ZMIZ1: variants seen among roughly 807,000 people sequenced by gnomAD.
The protein encoded by ZMIZ1 is zinc finger MIZ-type containing 1.
A neutral mutation model predicts 113.9 loss-of-function variants in ZMIZ1; 17 were observed. That is an observed-to-expected ratio of 0.15 (90% CI 0.10 to 0.22). The LOEUF is 0.22. Among genes scored for constraint, ZMIZ1 ranks in the 10% least tolerant of loss-of-function variants. The pLI is 1.00. For synonymous variants in ZMIZ1, 607 were observed against 603.1 expected (o/e 1.01, Z -0.09); for missense variants, 1,059 against 1,477.8 (o/e 0.72, Z 4.65).
chr10:79,298,287 C>A, intron 14 of ZMIZ1, 119 bp from the exon 15 acceptor site: 1 of 1,132,788 alleles, frequency 8.8e-7, no homozygotes, highest in Middle Eastern at 2.1e-4. Context: ...CTGGAGGAGG[C>A]TCTCCTCCCG....
chr10:79,271,372 C>T (rs776147610), intron 7 of ZMIZ1, among the ~76,000 whole-genome samples: 4 of 152,208 alleles, frequency 2.6e-5, no homozygotes, highest in Non-Finnish European at 5.9e-5. Flanking sequence ...GGAGGTAACG[C>T]GGTCCCATCC....
At chr10:79,276,704 T>C (rs915263777) in intron 7 of ZMIZ1, among the ~76,000 whole-genome samples, 2 of 152,160 alleles carry the variant, frequency 1.3e-5, no homozygotes, top group Non-Finnish European at 2.9e-5. Context: ...AACCTTGTGA[T>C]GTTTGAGCCC....
At chr10:79,129,466 G>A (rs766592822) in intron 2 of ZMIZ1, among the ~76,000 whole-genome samples, 4 of 152,238 alleles carry the variant, frequency 2.6e-5, no homozygotes, top group African/African-American at 7.2e-5. Context: ...GCAGTCGCTC[G>A]GCCCCTTCCC....
chr10:79,304,225 T>C, intron 19 of ZMIZ1, 50 bp downstream of exon 19: 1 of 1,585,348 alleles, frequency 6.3e-7, no homozygotes, highest in Non-Finnish European at 8.6e-7. Flanking sequence ...AGACTCTGGC[T>C]GGGATGGTGA....
chr10:79,162,241 C>A, intron 4 of ZMIZ1, 108 bp downstream of exon 4: 1 of 397,658 alleles, frequency 2.5e-6, no homozygotes, highest in Non-Finnish European at 4.4e-6. Flanking sequence ...CGGGCCTCAG[C>A]CCTGAGGGGC....
At chr10:79,132,173 G>C (rs77394882) in intron 2 of ZMIZ1, among the ~76,000 whole-genome samples, 24 of 152,160 alleles carry the variant, frequency 1.6e-4, no homozygotes, top group Non-Finnish European at 3.2e-4. Flanking sequence ...TAATGACCCC[G>C]GGGCTTGGGT....
In ZMIZ1 at chr10:79,151,848, C is replaced by T. The variant is rs551019605; in HGVS notation, c.-130-10205C>T. On this transcript the variant is annotated intron_variant, in intron 3 of 24. Transcript: ENST00000334512. ...ATGTGAGCCAGGGTGGGGGCATTGG[C>T]GGTGGGTGGAGTCACGGGCTGGGTG... Among the ~76,000 whole-genome samples, 531 of 152,236 alleles carry T rather than the reference C, an allele frequency of 3.5e-3. 3 individuals carry two copies. The highest frequency in any genetic ancestry group is 0.012 in the African/African-American group (495 of 41,548).
intron 8 of ZMIZ1, among the ~76,000 whole-genome samples, chr10:79,287,492 C>CTGCA (rs1853161341): frequency 6.6e-6 from 1 of 152,274 alleles, no homozygotes. Context: ...AGCCCTTTGA[C>CTGCA]TGCATTCTCC....
intron 1 of ZMIZ1, among the ~76,000 whole-genome samples, chr10:79,109,078 C>T (rs993714509): frequency 6.6e-6 from 1 of 152,162 alleles, no homozygotes; most frequent in Non-Finnish European, 1.5e-5. Flanking sequence ...TGCCCAGGTG[C>T]ACACATGTGT....
intron 8 of ZMIZ1, among the ~76,000 whole-genome samples, chr10:79,286,039 G>T (rs567985514): frequency 6.7e-4 from 102 of 152,344 alleles, no homozygotes; most frequent in African/African-American, 2.4e-3. Context: ...GTTTTGGCTG[G>T]ACAGGACTGT....
intron 1 of ZMIZ1, among the ~76,000 whole-genome samples, chr10:79,091,730 G>A (rs973121977): frequency 1.3e-5 from 2 of 152,186 alleles, no homozygotes; most frequent in Non-Finnish European, 2.9e-5. Flanking sequence ...GGGTGCTGGG[G>A]CAGCTCAGCC....
chr10:79,071,017 C>T (rs1842265310), intron 1 of ZMIZ1, among the ~76,000 whole-genome samples: 1 of 152,166 alleles, frequency 6.6e-6, no homozygotes, highest in African/African-American at 2.4e-5. Flanking sequence ...GGTGAGGGCA[C>T]GGCTCGGCCA....
At chr10:79,239,338 C>A (rs1157355021) in intron 7 of ZMIZ1, among the ~76,000 whole-genome samples, 1 of 151,760 alleles carries the variant, frequency 6.6e-6, no homozygotes, top group Non-Finnish European at 1.5e-5. Context: ...GCTCTACACT[C>A]CCACGTGTCC....
intron 3 of ZMIZ1, among the ~76,000 whole-genome samples, chr10:79,150,959 G>C (rs563688912): frequency 6.6e-6 from 1 of 152,156 alleles, no homozygotes; most frequent in African/African-American, 2.4e-5. Flanking sequence ...ACCTCCCCAA[G>C]TAAGCCCAAG....
At chr10:79,285,365 G>A (rs1210088502) in intron 8 of ZMIZ1, 4 of 421,346 alleles carry the variant, frequency 9.5e-6, no homozygotes, top group South Asian at 6.7e-5. Context: ...AGGTGTGCGG[G>A]ACTCTGGGCC....
At chr10:79,205,702 T>C (rs1000784062) in intron 5 of ZMIZ1, among the ~76,000 whole-genome samples, 3 of 152,164 alleles carry the variant, frequency 2.0e-5, no homozygotes, top group Non-Finnish European at 2.9e-5. Context: ...GTTTGGACCA[T>C]GTCTGTTCTG....
intron 8 of ZMIZ1, among the ~76,000 whole-genome samples, chr10:79,288,587 C>T (rs892578138): frequency 2.6e-5 from 4 of 152,150 alleles, no homozygotes; most frequent in South Asian, 4.1e-4. Context: ...CAGCTGTGGG[C>T]GCTTTGCTTT....
At chr10:79,128,866 G>T (rs902632491) in intron 2 of ZMIZ1, among the ~76,000 whole-genome samples, 2 of 152,208 alleles carry the variant, frequency 1.3e-5, no homozygotes, top group Non-Finnish European at 2.9e-5. Context: ...CTTGGCAGGT[G>T]TGAGAGCCTG....
intron 7 of ZMIZ1, among the ~76,000 whole-genome samples, chr10:79,246,929 C>T (rs1358487876): frequency 6.6e-6 from 1 of 152,230 alleles, no homozygotes; most frequent in East Asian, 1.9e-4. Flanking sequence ...ATGCCCTCTC[C>T]CAGCCCACTG....
Sources: allele counts gnomAD v4.1 joint callset (sites outside exome capture counted in the v4.1 genomes callset), GRCh38; gene constraint gnomAD v4.1.1; transcripts MANE v1.5; gene names NCBI Gene and HGNC (gene_info 2026-07-23, HGNC 2026-07-21).